Variants in CLUAP1 observed in about 807,000 individuals in gnomAD.
CLUAP1 encodes the protein clusterin-associated protein 1.
CLUAP1 carries 50 observed loss-of-function variants against 55.0 expected under a neutral mutation model. The observed-to-expected ratio is 0.91, with a 90% CI of 0.72 to 1.15. The LOEUF (loss-of-function observed/expected upper bound fraction) is 1.15, where lower values mean the gene tolerates loss of function less well. CLUAP1 is among the 50% of genes most tolerant of loss of function. The pLI, the probability that CLUAP1 is intolerant of heterozygous loss-of-function variation, is 0.00. For missense variants in CLUAP1, 530 were observed against 507.6 expected (o/e 1.04, Z -0.42); for synonymous variants, 195 against 175.4 (o/e 1.11, Z -0.88).
chr16:3,508,721 C>T (rs932563190), intron 4 of CLUAP1, among the ~76,000 whole-genome samples: 2 of 152,126 alleles, frequency 1.3e-5, no homozygotes, highest in African/African-American at 2.4e-5. Flanking sequence ...GGACAAAAAT[C>T]GTGTGTTTAT....
chr16:3,502,677 G>A (rs1175384936), intron 1 of CLUAP1, among the ~76,000 whole-genome samples: 2 of 152,088 alleles, frequency 1.3e-5, no homozygotes, highest in Admixed American at 6.6e-5. Context: ...GCCCTCTGGG[G>A]TTTGAAGGTT....
chr16:3,495,954 C>A, the CLUAP1 span, among the ~76,000 whole-genome samples: 1 of 152,084 alleles, frequency 6.6e-6, no homozygotes, highest in Non-Finnish European at 1.5e-5. Flanking sequence ...TCCTGGCTAA[C>A]ACGGTGAAAC....
chr16:3,508,571 G>C (rs1238270809), intron 4 of CLUAP1, 103 bp downstream of exon 4: 2 of 1,063,322 alleles, frequency 1.9e-6, no homozygotes, highest in Non-Finnish European at 2.6e-6. Context: ...TTCCTCCTCA[G>C]CTGAGGGCAG....
rs1281715135 is a variant in CLUAP1 at position 3,501,006 on chromosome 16, T to G, written c.-62T>G. The G allele has an allele frequency of 6.5e-7, 1 of 1,547,706 alleles. No homozygotes were observed. ...GGTTGCCATAGAGATCGTCGAGCGC[T>G]GGGCCTGTGATCGCTGAGGGGCGAG... On this transcript the variant is annotated 5_prime_UTR_variant, in exon 1 of 12. Coordinates refer to ENST00000576634, the MANE Select transcript of CLUAP1 (RefSeq NM_015041.3).
In CLUAP1 at chr16:3,518,426, C is replaced by T. The variant is rs188219469; in HGVS notation, c.580-1477C>T. On this transcript the variant is annotated intron_variant, in intron 6 of 11. Coordinates refer to ENST00000576634, the MANE Select transcript of CLUAP1 (RefSeq NM_015041.3). ...ATCATTCTAAAAACAACCAAAACAA[C>T]ATGGGTACTTAAAAGGGTTTGGGGA... is the stretch of plus-strand genomic sequence containing the variant. 6.4e-4 allele frequency among the ~76,000 whole-genome samples: 98 copies of T among 152,268 alleles called. 2 individuals are homozygous for T. The highest frequency in any genetic ancestry group is 4.1e-3 in the South Asian group (20 of 4,826).
At chr16:3,496,058 G>A (rs7202202), upstream of CLUAP1, 5,038 of 322,684 alleles carry the variant, frequency 0.016, 199 homozygotes, top group African/African-American at 0.09. Context: ...GGAGAATGGC[G>A]TGAACCCGGG....
intron 11 of CLUAP1, chr16:3,535,579 CT>C (rs919878941): frequency 2.2e-4 from 32 of 148,342 alleles, no homozygotes; most frequent in South Asian, 4.3e-4. Flanking sequence ...TCTTTTTTTT[CT>C]TTTTTTTTTG....
upstream of CLUAP1, chr16:3,496,154 A>AC (rs200618809): frequency 7.0e-6 from 3 of 427,462 alleles, no homozygotes; most frequent in Non-Finnish European, 1.3e-5. Flanking sequence ...AAAAAAAAAA[A>AC]GTTAAACATT....
At chr16:3,501,318 C>T (rs2037396124) in intron 1 of CLUAP1, among the ~76,000 whole-genome samples, 1 of 152,214 alleles carries the variant, frequency 6.6e-6, no homozygotes, top group Admixed American at 6.5e-5. Flanking sequence ...TGCCACTGGC[C>T]GCGTGTGGCT....
chr16:3,526,638 C>T (rs1011525489), intron 9 of CLUAP1, among the ~76,000 whole-genome samples, 154 bp downstream of exon 9: 1 of 151,538 alleles, frequency 6.6e-6, no homozygotes, highest in African/African-American at 2.4e-5. Context: ...CTTCACTTTA[C>T]ATCTTCAATT....
chr16:3,538,838 G>A lies in CLUAP1; in HGVS notation c.*2567G>A, dbSNP rs1198890963. 2.0e-5 allele frequency: 3 copies of A among 152,174 alleles called. No homozygotes were observed. Among genetic ancestry groups the A allele is most frequent in the Non-Finnish European group, 2.9e-5 (2 of 68,046 alleles). 9.4% of individuals were successfully genotyped at this position (152,174 alleles called of 1,614,324 possible). A position where few individuals can be genotyped will look rare whatever the true frequency, so the allele number is the denominator to read the frequency against. ...TGTAGAATGGATGCAGGATTCACAT[G>A]TGCAAGTGCTTTGTGACCTGGCACC... On this transcript the variant is annotated 3_prime_UTR_variant, in exon 12 of 12. Coordinates refer to ENST00000576634, the MANE Select transcript of CLUAP1 (RefSeq NM_015041.3).
chr16:3,508,300 A>C lies in CLUAP1; in HGVS notation c.231A>C (p.Ala77=). 2 of 1,593,786 alleles carry C rather than the reference A, an allele frequency of 1.3e-6. No homozygotes were observed. The highest frequency in any genetic ancestry group is 1.7e-6 in the Non-Finnish European group (2 of 1,174,784). ...KAIAQFMATK[A]HIKLNTKKLY... is the part of the protein sequence containing the mutation. ...TGGTCTAAAAATAGGCCACCAAGGC[A>C]CATATAAAACTCAACACTAAGAAGC... Residue 77 remains alanine, a synonymous_variant, in exon 4 of 12, where the codon GCA becomes GCC. Transcript: ENST00000576634.
chr16:3,496,310 T>C, upstream of CLUAP1: 1 of 1,002,786 alleles, frequency 1.0e-6, no homozygotes, highest in South Asian at 1.2e-5. Flanking sequence ...CAGGTTACCG[T>C]CCAGACGAAC....
At chr16:3,522,639 A>G (rs1250529721) in intron 7 of CLUAP1, among the ~76,000 whole-genome samples, 1 of 150,978 alleles carries the variant, frequency 6.6e-6, no homozygotes, top group African/African-American at 2.4e-5. Flanking sequence ...GCAGCCTTGA[A>G]CTCCAGGGCT....
intron 9 of CLUAP1, among the ~76,000 whole-genome samples, chr16:3,527,845 CT>C (rs1208621042): frequency 2.6e-5 from 4 of 152,156 alleles, no homozygotes; most frequent in Admixed American, 2.6e-4. Flanking sequence ...GAAGGGCCCC[CT>C]GTCCAGTGGA....
At chr16:3,499,692 T>C (rs985560740), upstream of CLUAP1, among the ~76,000 whole-genome samples, 2 of 152,274 alleles carry the variant, frequency 1.3e-5, no homozygotes, top group African/African-American at 4.8e-5. Flanking sequence ...TTATCAGATA[T>C]GTGTTTTGTG....
chr16:3,521,207 T>C (rs543343909), intron 7 of CLUAP1, among the ~76,000 whole-genome samples: 1 of 152,112 alleles, frequency 6.6e-6, no homozygotes, highest in Admixed American at 6.5e-5. Context: ...GCCATATAGA[T>C]TGATCTCCTT....
chr16:3,509,249 G>T (rs765352427), intron 4 of CLUAP1, among the ~76,000 whole-genome samples: 25 of 152,116 alleles, frequency 1.6e-4, no homozygotes, highest in Non-Finnish European at 2.4e-4. Flanking sequence ...ACCTTGTCTG[G>T]GGGGAAGAAA....
chr16:3,495,517 G>A, the CLUAP1 span: 23 of 1,548,614 alleles, frequency 1.5e-5, no homozygotes, highest in Non-Finnish European at 1.8e-5. Flanking sequence ...GTCTCCCCTG[G>A]CAACTGGTTC....
Sources: allele counts gnomAD v4.1 joint callset (sites outside exome capture counted in the v4.1 genomes callset), GRCh38; gene constraint gnomAD v4.1.1; transcripts MANE v1.5; gene names NCBI Gene and HGNC (gene_info 2026-07-23, HGNC 2026-07-21).